SPACA1: variants seen among roughly 807,000 people sequenced by gnomAD.
SPACA1 encodes the protein sperm acrosome associated 1, also known as sperm acrosome membrane-associated protein 1.
A neutral mutation model predicts 32.6 loss-of-function variants in SPACA1; 17 were observed. The ratio of observed to expected loss-of-function variants is 0.52; its 90% CI spans 0.36 to 0.78. The LOEUF is 0.78. SPACA1 is among the 30% of genes least tolerant of loss of function. The pLI, the probability that SPACA1 is intolerant of heterozygous loss-of-function variation, is 0.01. For missense variants in SPACA1, 363 were observed against 373.4 expected, an observed-to-expected ratio of 0.97 and a Z score of 0.23; for synonymous variants, 140 against 138.1, an observed-to-expected ratio of 1.01 and a Z score of -0.10.
intron 1 of SPACA1, among the ~76,000 whole-genome samples, chr6:88,049,894 A>G (rs994804986): frequency 6.6e-6 from 1 of 152,168 alleles, no homozygotes; most frequent in East Asian, 1.9e-4. Flanking sequence ...CTTATCATTA[A>G]TCTTGGTTCT....
At chr6:88,055,457 A>G (rs1562478789) in intron 2 of SPACA1, among the ~76,000 whole-genome samples, 1 of 152,222 alleles carries the variant, frequency 6.6e-6, no homozygotes, top group Admixed American at 6.5e-5. Context: ...AGGAAAAGCA[A>G]TATTTCATGC....
Position 88,059,478 on chromosome 6 carries a change from C to T in SPACA1, c.500C>T (p.Ser167Leu), listed in dbSNP as rs1330017965. The change falls in exon 5 of 7, where the codon TCA becomes TTA. Residue 167 changes from serine to leucine, a missense_variant. Transcript: ENST00000237201. ...CAATCCATTATACTTGTAAATGATT[C>T]AGCAATCCTAGAAGTACGCAAGGAA... Reference protein sequence around the residue: ...DQQSIILVNDSAILEVRKESH... With the variant: ...DQQSIILVNDLAILEVRKESH... The T allele has an allele frequency of 1.9e-6, 3 of 1,611,124 alleles. No individual in the cohort carries two copies. Among genetic ancestry groups the T allele is most frequent in the East Asian group, 4.5e-5 (2 of 44,744 alleles).
At chr6:88,056,864 T>A (rs1007408341) in intron 2 of SPACA1, among the ~76,000 whole-genome samples, 9 of 152,198 alleles carry the variant, frequency 5.9e-5, no homozygotes, top group Admixed American at 3.9e-4. Context: ...AGAGTTAAGT[T>A]CTTGTTACAA....
intron 1 of SPACA1, among the ~76,000 whole-genome samples, chr6:88,052,823 C>T (rs183782253): frequency 2.0e-5 from 3 of 152,156 alleles, no homozygotes; most frequent in Admixed American, 1.3e-4. Flanking sequence ...GGCAACAGAG[C>T]AAGACTCTCT....
intron 5 of SPACA1, among the ~76,000 whole-genome samples, chr6:88,061,401 T>A (rs1031854615): frequency 1.9e-4 from 28 of 150,872 alleles, no homozygotes; most frequent in African/African-American, 6.8e-4. Flanking sequence ...GGTGCCCTCA[T>A]AAGAAGAGGA....
At chr6:88,058,142 G>A (rs942984984) in intron 3 of SPACA1, among the ~76,000 whole-genome samples, 3 of 152,124 alleles carry the variant, frequency 2.0e-5, no homozygotes, top group African/African-American at 4.8e-5. Context: ...TACATTGGAA[G>A]CCACTAATAG....
rs1425324072 is a variant in SPACA1 at position 88,066,719 on chromosome 6, T to G, written c.*384T>G. On this transcript the variant is annotated 3_prime_UTR_variant, in exon 7 of 7. Coordinates refer to ENST00000237201, the MANE Select transcript of SPACA1 (RefSeq NM_030960.3). ...CTTTCTCTCCCCTGGAAGCACTGGGTTGAACTTGCTAAAGTAAATCATACT... is the reference window on the plus strand; with the variant it reads ...CTTTCTCTCCCCTGGAAGCACTGGGGTGAACTTGCTAAAGTAAATCATACT... The G allele has an allele frequency of 6.5e-6, 1 of 153,446 alleles. No homozygotes were observed. The highest frequency in any genetic ancestry group is 2.4e-5 in the African/African-American group (1 of 41,488). 9.5% of individuals were successfully genotyped at this position (153,446 alleles called of 1,614,324 possible).
At chr6:88,054,111 A>G (rs1775771396) in intron 2 of SPACA1, 109 bp downstream of exon 2, 2 of 816,738 alleles carry the variant, frequency 2.4e-6, no homozygotes, top group East Asian at 2.7e-5. Flanking sequence ...TGCATCTCTC[A>G]TGGATTTTTA....
chr6:88,050,338 A>C (rs1775710502), intron 1 of SPACA1, among the ~76,000 whole-genome samples: 1 of 152,114 alleles, frequency 6.6e-6, no homozygotes, highest in Non-Finnish European at 1.5e-5. Context: ...TCAATTCTTA[A>C]GTTAGAGAAA....
At chr6:88,060,756 G>A (rs116179975) in intron 5 of SPACA1, among the ~76,000 whole-genome samples, 1 of 152,186 alleles carries the variant, frequency 6.6e-6, no homozygotes, top group African/African-American at 2.4e-5. Flanking sequence ...TGATATTAAA[G>A]GTGTGTGGAG....
chr6:88,066,229 T>G lies in SPACA1; in HGVS notation c.779T>G (p.Val260Gly). Reference protein sequence around the residue: ...FWGAKASTPEVQSEQSSVRYK... With the variant: ...FWGAKASTPEGQSEQSSVRYK... ...GGGGCAAAAGCCTCTACACCTGAGG[T>G]ACAATCCGAGCAGAGTTCTGTGAGA... The change falls in exon 7 of 7, where the codon GTA becomes GGA. Residue 260 changes from valine to glycine, a missense_variant. Coordinates refer to ENST00000237201, the MANE Select transcript of SPACA1 (RefSeq NM_030960.3). 6.2e-7 allele frequency: 1 copy of G among 1,611,782 alleles called. No individual in the cohort carries two copies. Among genetic ancestry groups the G allele is most frequent in the Non-Finnish European group, 8.5e-7 (1 of 1,178,546 alleles).
chr6:88,053,919 T>C (rs1372984914), intron 1 of SPACA1, 27 bp from the exon 2 acceptor site: 4 of 1,599,400 alleles, frequency 2.5e-6, no homozygotes, highest in Non-Finnish European at 3.4e-6. Context: ...TATAATTAAA[T>C]AATGTATCTT....
In SPACA1 at chr6:88,064,161, A is replaced by G. The variant is rs766186430; in HGVS notation, c.673A>G (p.Ile225Val). 1.2e-6 allele frequency: 2 copies of G among 1,613,314 alleles called. No individual in the cohort carries two copies. Among genetic ancestry groups the G allele is most frequent in the Admixed American group, 1.7e-5 (1 of 59,956 alleles). Reference sequence around the variant, plus strand: ...TGCAGCCCTAATTTTTGTGCTGACCATAGGAGTCATTATCTGTGTATTTAT... The same window carrying G: ...TGCAGCCCTAATTTTTGTGCTGACCGTAGGAGTCATTATCTGTGTATTTAT... ...TDAALIFVLT[I>V]GVIICVFIIF... is the part of the protein sequence containing the mutation. Residue 225 changes from isoleucine (I) to valine (V), a missense_variant, in exon 6 of 7, where the codon ATA becomes GTA. Ile to Val is a conservative substitution (Grantham distance 29, BLOSUM62 3). Coordinates refer to ENST00000237201, the MANE Select transcript of SPACA1 (RefSeq NM_030960.3).
Position 88,066,343 on chromosome 6 carries a change from A to G in SPACA1, c.*8A>G, listed in dbSNP as rs377608819. 5.6e-6 allele frequency: 9 copies of G among 1,607,046 alleles called. No individual in the cohort carries two copies. Among genetic ancestry groups the G allele is most frequent in the Non-Finnish European group, 7.7e-6 (9 of 1,176,444 alleles). On this transcript the variant is annotated 3_prime_UTR_variant, in exon 7 of 7. Transcript: ENST00000237201. The stretch of plus-strand genomic sequence containing the variant: ...AGTGAATGGAATGAATGATGTTTGA[A>G]TGATATATAACAAACCAAAGGATAT...
chr6:88,061,685 C>T (rs1775899776), intron 5 of SPACA1, among the ~76,000 whole-genome samples: 1 of 151,802 alleles, frequency 6.6e-6, no homozygotes, highest in Non-Finnish European at 1.5e-5. Context: ...TGTTTTCAGA[C>T]TTCTAGCCTC....
At chr6:88,064,962 A>G (rs1775955889) in intron 6 of SPACA1, among the ~76,000 whole-genome samples, 1 of 148,488 alleles carries the variant, frequency 6.7e-6, no homozygotes, top group South Asian at 2.1e-4. Flanking sequence ...ATTACCTCAT[A>G]TCTAAGAAGT....
At chr6:88,066,072 A>G in intron 6 of SPACA1, 110 bp from the exon 7 acceptor site, 1 of 749,432 alleles carries the variant, frequency 1.3e-6, no homozygotes, top group Non-Finnish European at 2.0e-6. Flanking sequence ...ACATACAGGT[A>G]ATACACACAC....
intron 1 of SPACA1, among the ~76,000 whole-genome samples, chr6:88,048,834 A>C (rs1775686449): frequency 6.6e-6 from 1 of 152,188 alleles, no homozygotes; most frequent in African/African-American, 2.4e-5. Flanking sequence ...GCTGTTGTAC[A>C]TGTCATATTG....
At chr6:88,055,569 T>C (rs1237908932) in intron 2 of SPACA1, among the ~76,000 whole-genome samples, 1 of 152,250 alleles carries the variant, frequency 6.6e-6, no homozygotes, top group Non-Finnish European at 1.5e-5. Context: ...TCAAAAAGTT[T>C]TCTTTTATAT....
Sources: allele counts gnomAD v4.1 joint callset (sites outside exome capture counted in the v4.1 genomes callset), GRCh38; gene constraint gnomAD v4.1.1; transcripts MANE v1.5; gene names NCBI Gene and HGNC (gene_info 2026-07-23, HGNC 2026-07-21).